USP33: variants seen among roughly 807,000 people sequenced by gnomAD.
USP33 encodes ubiquitin carboxyl-terminal hydrolase 33.
A neutral mutation model predicts 124.2 loss-of-function variants in USP33; 46 were observed. That is an observed-to-expected ratio of 0.37 (90% CI 0.29 to 0.47). USP33 has a LOEUF of 0.47. Ranked by LOEUF, USP33 falls within the 20% of genes least tolerant of loss-of-function variation. The probability of loss-of-function intolerance (pLI) is 0.99; values close to 1 mark genes in which losing one functional copy is unlikely to be tolerated. For missense variants in USP33, 851 were observed against 1,070.6 expected, an observed-to-expected ratio of 0.79 and a Z score of 2.86; for synonymous variants, 350 against 352.3, an observed-to-expected ratio of 0.99 and a Z score of 0.07.
rs188189494 is a variant in USP33, at chr1:77,749,421, G to A, written c.-51-7673C>T. Among the ~76,000 whole-genome samples the A allele has an allele frequency of 8.0e-5, 12 of 150,916 alleles. No individual in the cohort carries two copies. In the East Asian group the frequency reaches 2.1e-3, roughly 27 times the overall value. On this transcript the variant is annotated intron_variant, in intron 1 of 23. Transcript: ENST00000370794. The stretch of plus-strand genomic sequence containing the variant: ...TTTGGAGACGGAGTCTCGCTCTGCT[G>A]CCCAGGCTGGAGTGCAGTGGTACAA...
intron 17 of USP33, chr1:77,717,490 C>CAAA (rs575507467): frequency 6.5e-5 from 7 of 107,854 alleles, no homozygotes; most frequent in Admixed American, 2.0e-4. Flanking sequence ...ACTCTGTCTC[C>CAAA]AAAAAAAAAA....
At position 77,730,654 on chromosome 1, in the gene USP33, T is replaced by A. The variant is rs1214758716; in HGVS notation, c.602A>T (p.Tyr201Phe). 6.3e-7 allele frequency: 1 copy of A among 1,597,532 alleles called. No individual in the cohort carries two copies. The highest frequency in any genetic ancestry group is 2.2e-5 in the East Asian group (1 of 44,514). ...CCACAGCTCTGTCATTAGTTTGAGA[T>A]AACTTTTACAAATGGCAGGTTTCTT... Reference protein sequence around the residue: ...TDKKPAICKSYLKLMTELWHK... With the variant: ...TDKKPAICKSFLKLMTELWHK... The change falls in exon 8 of 24, where the codon TAT (tyrosine) becomes TTT (phenylalanine). Residue 201 changes from tyrosine (Y) to phenylalanine (F), a missense_variant. This residue lies in a region of USP33 where 221 missense variants were observed against 302.9 expected (regional missense o/e 0.73). Transcript: ENST00000370794.
At chr1:77,711,046 G>A (rs1675190064) in intron 21 of USP33, among the ~76,000 whole-genome samples, 1 of 152,084 alleles carries the variant, frequency 6.6e-6, no homozygotes, top group South Asian at 2.1e-4. Context: ...ATATTTATAA[G>A]CCCAGGAGTC....
At chr1:77,705,927 G>T (rs1334214924) in intron 21 of USP33, among the ~76,000 whole-genome samples, 1 of 152,084 alleles carries the variant, frequency 6.6e-6, no homozygotes, top group Admixed American at 6.5e-5. Flanking sequence ...TCTTTTGTAT[G>T]TCTTACACTT....
intron 17 of USP33, among the ~76,000 whole-genome samples, chr1:77,717,174 A>C (rs1436489975): frequency 6.6e-6 from 1 of 151,824 alleles, no homozygotes; most frequent in Non-Finnish European, 1.5e-5. Context: ...TAGAACACAT[A>C]ATCTTAAAAA....
At chr1:77,715,920 A>C in intron 17 of USP33, 52 bp from the exon 18 acceptor site, 1 of 1,557,766 alleles carries the variant, frequency 6.4e-7, no homozygotes, top group Non-Finnish European at 8.7e-7. Context: ...CAACAGAAGA[A>C]AGGAGGATAA....
chr1:77,735,245 T>A (rs777101129), intron 6 of USP33, among the ~76,000 whole-genome samples: 121 of 152,356 alleles, frequency 7.9e-4, no homozygotes, highest in Admixed American at 3.3e-3. Context: ...ATTGAATGAC[T>A]GTTATCTCTT....
rs1676632002 is a variant in USP33, at chr1:77,722,132, G to C, written c.1454C>G (p.Ala485Gly). 6.2e-7 allele frequency: 1 copy of C among 1,613,922 alleles called. No individual in the cohort carries two copies. The highest frequency in any genetic ancestry group is 8.5e-7 in the Non-Finnish European group (1 of 1,179,940). Residue 485 changes from alanine (A) to glycine (G), a missense_variant, in exon 13 of 24, where the codon GCT (alanine) becomes GGT (glycine). Transcript: ENST00000370794. ...TGGATGACTTGATGAATGCAGCTTA[G>C]CAAGGTCTTCCTTGCCAGGAATTGG... ...SLPIPGKEDL[A>G]KLHSSSHPTS...
intron 22 of USP33, among the ~76,000 whole-genome samples, chr1:77,698,499 TG>T (rs1673649632): frequency 2.7e-5 from 4 of 148,882 alleles, no homozygotes; most frequent in Non-Finnish European, 4.5e-5. Flanking sequence ...AGAAATGTTT[TG>T]TTTTTTTTTT....
Position 77,712,842 on chromosome 1 carries a change from A to G in USP33, c.2297+358T>C, listed in dbSNP as rs146590457. 8.9e-4 allele frequency among the ~76,000 whole-genome samples: 136 copies of G among 152,258 alleles called. 1 individual carries two copies. Among genetic ancestry groups the G allele is most frequent in the African/African-American group, 3.1e-3 (130 of 41,534 alleles). ...CACTGCACTCCAGCCTGGTTGATGG[A>G]GCAAGACCTTGTCTCAAAAAAAAAG... is the stretch of plus-strand genomic sequence containing the variant. On this transcript the variant is annotated intron_variant, in intron 20 of 23. Transcript: ENST00000370794.
At chr1:77,759,317 A>G (rs539830796) in intron 1 of USP33, 62 of 328,208 alleles carry the variant, frequency 1.9e-4, no homozygotes, top group African/African-American at 1.3e-3. Context: ...AGACCGAGGA[A>G]GGGAGCAGAG....
At chr1:77,743,980 T>TG (rs1236454941) in intron 1 of USP33, among the ~76,000 whole-genome samples, 4 of 151,896 alleles carry the variant, frequency 2.6e-5, no homozygotes, top group African/African-American at 9.7e-5. Flanking sequence ...AAACATTAGC[T>TG]GGGCGTGGTG....
At chr1:77,726,932 T>C (rs1317491295) in intron 10 of USP33, among the ~76,000 whole-genome samples, 3 of 152,202 alleles carry the variant, frequency 2.0e-5, no homozygotes, top group African/African-American at 7.2e-5. Context: ...GGCAAGGGAA[T>C]GTGCTCAGTA....
At chr1:77,740,586 C>T (rs980324941) in intron 4 of USP33, among the ~76,000 whole-genome samples, 1 of 152,184 alleles carries the variant, frequency 6.6e-6, no homozygotes, top group Non-Finnish European at 1.5e-5. Flanking sequence ...GAACTCCTGA[C>T]CTCAGGTGAT....
chr1:77,711,888 T>G (rs1460923555), intron 20 of USP33, 33 bp from the exon 21 acceptor site: 1 of 1,568,778 alleles, frequency 6.4e-7, no homozygotes. Context: ...ATTAATGTTC[T>G]AGGAAGTTTG....
intron 19 of USP33, 88 bp downstream of exon 19, chr1:77,714,526 G>A: frequency 7.5e-7 from 1 of 1,341,434 alleles, no homozygotes; most frequent in African/African-American, 1.5e-5. Flanking sequence ...TGGGAAATAA[G>A]TGGGAGAGGA....
At chr1:77,748,822 C>G (rs1347452372) in intron 1 of USP33, among the ~76,000 whole-genome samples, 1 of 112,370 alleles carries the variant, frequency 8.9e-6, no homozygotes, top group Non-Finnish European at 1.6e-5. Flanking sequence ...CAGCATTTAT[C>G]AGAGATAAAA....
intron 1 of USP33, among the ~76,000 whole-genome samples, chr1:77,754,561 G>T (rs1032953488): frequency 1.3e-5 from 2 of 152,152 alleles, no homozygotes; most frequent in African/African-American, 4.8e-5. Flanking sequence ...CAAATATTCT[G>T]AGAATAAAAT....
At chr1:77,726,902 T>C (rs1415647948) in intron 10 of USP33, among the ~76,000 whole-genome samples, 2 of 152,208 alleles carry the variant, frequency 1.3e-5, no homozygotes, top group African/African-American at 4.8e-5. Flanking sequence ...TTTGGATTCC[T>C]AGTGCCTAAC....
Sources: gnomAD v4.1 joint callset for allele counts (sites outside exome capture counted in the v4.1 genomes callset) on GRCh38, gnomAD v4.1.1 for gene constraint, gnomAD v4.1.1 regional missense constraint, MANE v1.5 for transcripts, NCBI Gene and HGNC (gene_info 2026-07-23, HGNC 2026-07-21) for gene names.